ADGRL3: variants seen among roughly 807,000 people sequenced by gnomAD.
ADGRL3 encodes adhesion G protein-coupled receptor L3, also known as calcium-independent alpha-latrotoxin receptor 3.
ADGRL3 carries 62 observed loss-of-function variants against 153.5 expected under a neutral mutation model. That is an observed-to-expected ratio of 0.40 (90% CI 0.33 to 0.50). ADGRL3 has a LOEUF of 0.50. Ranked by LOEUF, ADGRL3 falls within the 20% of genes least tolerant of loss-of-function variation. The probability of loss-of-function intolerance (pLI) is 0.47; values close to 1 mark genes in which losing one functional copy is unlikely to be tolerated. For synonymous variants in ADGRL3, 710 were observed against 672.5 expected (o/e 1.06, Z -0.86); for missense variants, 1,641 against 1,859.4 (o/e 0.88, Z 2.16).
chr4:61,868,960 T>A (rs199637436), intron 9 of ADGRL3, among the ~76,000 whole-genome samples: 1 of 152,128 alleles, frequency 6.6e-6, no homozygotes, highest in East Asian at 1.9e-4. Flanking sequence ...AGACAGGGTC[T>A]CTATATGCCA....
At chr4:61,872,559 T>G (rs2098451865) in intron 9 of ADGRL3, among the ~76,000 whole-genome samples, 1 of 151,900 alleles carries the variant, frequency 6.6e-6, no homozygotes, top group African/African-American at 2.4e-5. Flanking sequence ...TTATAATTGT[T>G]TATTATTTTA....
At chr4:61,393,927 T>C (rs2096841513) in intron 2 of ADGRL3, among the ~76,000 whole-genome samples, 1 of 152,082 alleles carries the variant, frequency 6.6e-6, no homozygotes, top group Admixed American at 6.6e-5. Context: ...GGAAGTCTAG[T>C]TGGGGCTACA....
chr4:61,293,831 C>A (rs1041677017), intron 1 of ADGRL3, among the ~76,000 whole-genome samples: 24 of 152,120 alleles, frequency 1.6e-4, no homozygotes, highest in African/African-American at 5.3e-4. Flanking sequence ...TCTGACCTTC[C>A]TAATTATGTT....
intron 3 of ADGRL3, among the ~76,000 whole-genome samples, chr4:61,512,629 A>G (rs1401061590): frequency 6.6e-6 from 1 of 152,180 alleles, no homozygotes; most frequent in Non-Finnish European, 1.5e-5. Context: ...AAAAAGGAAC[A>G]AGATTTTGAG....
chr4:61,929,290 A>T (rs1467745309), intron 13 of ADGRL3, among the ~76,000 whole-genome samples: 1 of 152,150 alleles, frequency 6.6e-6, no homozygotes, highest in Non-Finnish European at 1.5e-5. Flanking sequence ...ATGAATCTGC[A>T]GGTACCTTGA....
intron 9 of ADGRL3, among the ~76,000 whole-genome samples, chr4:61,882,667 G>A (rs1358936785): frequency 2.0e-5 from 3 of 152,062 alleles, no homozygotes; most frequent in South Asian, 2.1e-4. Flanking sequence ...CACATACTGC[G>A]CTCCAGCCAC....
At chr4:61,270,777 G>A (rs1177473876) in intron 1 of ADGRL3, among the ~76,000 whole-genome samples, 2 of 151,574 alleles carry the variant, frequency 1.3e-5, no homozygotes, top group Non-Finnish European at 3.0e-5. Context: ...CAAAGCACCT[G>A]ATTTTCTCTT....
At chr4:61,447,237 T>G (rs1237517475) in intron 2 of ADGRL3, among the ~76,000 whole-genome samples, 1 of 152,190 alleles carries the variant, frequency 6.6e-6, no homozygotes, top group Non-Finnish European at 1.5e-5. Flanking sequence ...TTTGATCTTT[T>G]AATATAGACA....
chr4:61,416,145 A>G (rs2097142319), intron 2 of ADGRL3, among the ~76,000 whole-genome samples: 1 of 152,114 alleles, frequency 6.6e-6, no homozygotes, highest in East Asian at 1.9e-4. Context: ...TAGATTAGGT[A>G]AAAATCCATA....
chr4:61,412,849 A>G lies in ADGRL3; in HGVS notation c.-174+29660A>G, dbSNP rs918621648. ...GCATTTTTGTAATTGCTCATTGGGA[A>G]ATTTTTATGATGATTGCTTTAAAAA... On this transcript the variant is annotated intron_variant, in intron 2 of 26. Coordinates refer to ENST00000683033, the MANE Select transcript of ADGRL3 (RefSeq NM_001387552.1). 4.6e-5 allele frequency among the ~76,000 whole-genome samples: 7 copies of G among 152,224 alleles called. No homozygotes were observed. In the East Asian group the frequency reaches 1.2e-3, roughly 25 times the overall value.
intron 8 of ADGRL3, among the ~76,000 whole-genome samples, chr4:61,779,310 C>T (rs907731463): frequency 2.0e-5 from 3 of 151,784 alleles, no homozygotes; most frequent in Admixed American, 6.6e-5. Context: ...ATCTGAAACT[C>T]TGCGGGGGGG....
intron 5 of ADGRL3, among the ~76,000 whole-genome samples, chr4:61,622,343 A>G (rs1331004555): frequency 2.0e-5 from 3 of 152,198 alleles, no homozygotes; most frequent in Non-Finnish European, 4.4e-5. Context: ...AAAAATGTCC[A>G]TATAATGTTC....
chr4:61,952,869 C>T (rs1319128737), intron 17 of ADGRL3, among the ~76,000 whole-genome samples: 1 of 152,112 alleles, frequency 6.6e-6, no homozygotes, highest in Admixed American at 6.6e-5. Flanking sequence ...TTCCGCAATC[C>T]ATTGTATAAC....
At chr4:61,287,585 C>A (rs149797683) in intron 1 of ADGRL3, among the ~76,000 whole-genome samples, 1 of 151,868 alleles carries the variant, frequency 6.6e-6, no homozygotes. Flanking sequence ...ATGTAGCTTT[C>A]GGTCTGACAA....
intron 6 of ADGRL3, among the ~76,000 whole-genome samples, chr4:61,678,117 A>G (rs975126154): frequency 2.6e-5 from 4 of 151,946 alleles, no homozygotes; most frequent in Non-Finnish European, 5.9e-5. Context: ...AGGCCCTTCT[A>G]TGAAAAGGTA....
intron 2 of ADGRL3, among the ~76,000 whole-genome samples, chr4:61,422,613 AT>A (rs2097219714): frequency 1.3e-5 from 2 of 152,148 alleles, no homozygotes; most frequent in Admixed American, 1.3e-4. Context: ...GAATAGACAA[AT>A]AAGCATTTGA....
At chr4:62,005,959 TATACACATACAC>T (rs1266304999) in intron 21 of ADGRL3, among the ~76,000 whole-genome samples, 1 of 105,876 alleles carries the variant, frequency 9.4e-6, no homozygotes, top group African/African-American at 3.5e-5. Context: ...CATACATATA[TATACACATACAC>T]ACACACACAC....
chr4:61,477,413 A>C (rs972403559), intron 2 of ADGRL3, among the ~76,000 whole-genome samples: 1 of 152,160 alleles, frequency 6.6e-6, no homozygotes, highest in Non-Finnish European at 1.5e-5. Context: ...AATTTTATGC[A>C]AAAGAAAGCT....
intron 17 of ADGRL3, among the ~76,000 whole-genome samples, chr4:61,968,806 G>A (rs1457277064): frequency 2.0e-5 from 3 of 152,136 alleles, no homozygotes; most frequent in African/African-American, 7.2e-5. Flanking sequence ...TTTATAGGCT[G>A]AATGGAATTT....
Sources: allele counts gnomAD v4.1 joint callset (sites outside exome capture counted in the v4.1 genomes callset), GRCh38; gene constraint gnomAD v4.1.1; transcripts MANE v1.5; gene names NCBI Gene and HGNC (gene_info 2026-07-23, HGNC 2026-07-21).